AGBL1: variants seen among roughly 807,000 people sequenced by gnomAD.
AGBL1 encodes AGBL carboxypeptidase 1, also known as cytosolic carboxypeptidase 4.
In AGBL1, 130 loss-of-function variants were observed where a neutral mutation model predicts 118.9. That is an observed-to-expected ratio of 1.09 (90% confidence interval 0.95 to 1.26). The LOEUF is 1.26. AGBL1 is among the 50% of genes most tolerant of loss of function. AGBL1 has a pLI of 0.00. For synonymous variants in AGBL1, 555 were observed against 478.9 expected, an observed-to-expected ratio of 1.16 and a Z score of -2.08; for missense variants, 1,584 against 1,298.1, an observed-to-expected ratio of 1.22 and a Z score of -3.38.
At chr15:86,836,106 G>A (rs937665804) in intron 22 of AGBL1, among the ~76,000 whole-genome samples, 3 of 152,152 alleles carry the variant, frequency 2.0e-5, no homozygotes, top group African/African-American at 4.8e-5. Flanking sequence ...AGAGGCAGAA[G>A]TTCATTTTTA....
At chr15:86,475,225 A>C (rs1029649945) in intron 18 of AGBL1, among the ~76,000 whole-genome samples, 2 of 152,244 alleles carry the variant, frequency 1.3e-5, no homozygotes, top group African/African-American at 4.8e-5. Context: ...ATGGACAGAG[A>C]ATGACTTTGA....
chr15:86,180,274 G>A (rs2077534884), intron 5 of AGBL1, among the ~76,000 whole-genome samples: 1 of 151,970 alleles, frequency 6.6e-6, no homozygotes, highest in African/African-American at 2.4e-5. Flanking sequence ...AAAATTGGAG[G>A]ACAAAGAATA....
intron 18 of AGBL1, among the ~76,000 whole-genome samples, chr15:86,428,948 G>A (rs772035226): frequency 4.6e-5 from 7 of 152,216 alleles, no homozygotes; most frequent in Non-Finnish European, 7.3e-5. Context: ...TGTCCCTGAC[G>A]AGGTGGTGTC....
intron 1 of AGBL1, chr15:86,107,498 A>T (rs1484425830): frequency 6.6e-6 from 1 of 152,222 alleles, no homozygotes; most frequent in Non-Finnish European, 1.5e-5. Flanking sequence ...ATGCTTACAC[A>T]GTCTTGGCAT....
chr15:86,786,503 T>C (rs2078415216), intron 22 of AGBL1, among the ~76,000 whole-genome samples: 1 of 152,206 alleles, frequency 6.6e-6, no homozygotes, highest in Non-Finnish European at 1.5e-5. Flanking sequence ...AATAGACACA[T>C]ACATACTTAA....
Position 86,142,029 on chromosome 15 carries a change from T to C in AGBL1, c.77T>C (p.Leu26Pro), listed in dbSNP as rs1222152243. The C allele has an allele frequency of 3.6e-5, 56 of 1,550,190 alleles. No homozygotes were observed. The highest frequency in any genetic ancestry group is 4.7e-5 in the Non-Finnish European group (54 of 1,146,838). The change falls in exon 2 of 23, where the codon CTG becomes CCG. Residue 26 changes from leucine (L) to proline (P), a missense_variant. Coordinates refer to ENST00000614907, the MANE Select transcript of AGBL1 (RefSeq NM_001386094.1). ...AGCTCCTCTGACAAGGAGTCCATCC[T>C]GACCATCCTCAAGGTCCTCGGAGAT... ...LQSSSDKESI[L>P]TILKVLGDLL... is the part of the protein sequence containing the mutation.
intron 21 of AGBL1, among the ~76,000 whole-genome samples, chr15:86,650,569 C>T (rs372265256): frequency 5.3e-5 from 8 of 152,202 alleles, no homozygotes; most frequent in African/African-American, 1.9e-4. Flanking sequence ...AATTCTATTG[C>T]TTGTTTTTCT....
intron 22 of AGBL1, among the ~76,000 whole-genome samples, chr15:86,801,615 A>G (rs1464634195): frequency 2.0e-5 from 3 of 152,080 alleles, no homozygotes; most frequent in East Asian, 1.9e-4. Context: ...ATCTGTGTGT[A>G]TCTCTATAAC....
intron 6 of AGBL1, among the ~76,000 whole-genome samples, chr15:86,241,251 C>T (rs372321871): frequency 6.6e-6 from 1 of 152,038 alleles, no homozygotes; most frequent in Non-Finnish European, 1.5e-5. Flanking sequence ...TGGCTCTGCT[C>T]ATTGGTGAAG....
intron 6 of AGBL1, among the ~76,000 whole-genome samples, chr15:86,241,516 AT>A (rs1330267673): frequency 6.6e-6 from 1 of 151,766 alleles, no homozygotes; most frequent in African/African-American, 2.4e-5. Flanking sequence ...CTGATAAAGA[AT>A]TTTTTTTTCT....
chr15:86,864,088 T>G (rs1334083982), intron 22 of AGBL1, among the ~76,000 whole-genome samples: 4 of 152,076 alleles, frequency 2.6e-5, no homozygotes, highest in Non-Finnish European at 5.9e-5. Flanking sequence ...TAGCACAGCT[T>G]TGCATAAAAA....
At chr15:86,689,182 T>C (rs986079) in intron 22 of AGBL1, among the ~76,000 whole-genome samples, 88,565 of 151,902 alleles carry the variant, frequency 0.58, 26,281 homozygotes, top group Non-Finnish European at 0.63. Flanking sequence ...TGTTCCTCTG[T>C]CTGGCATGCA....
intron 21 of AGBL1, among the ~76,000 whole-genome samples, chr15:86,569,793 A>G (rs1596275964): frequency 6.6e-6 from 1 of 152,194 alleles, no homozygotes; most frequent in East Asian, 1.9e-4. Flanking sequence ...GAACCATGAA[A>G]TTTAAACGCC....
chr15:86,551,989 G>A (rs558120611), intron 20 of AGBL1, among the ~76,000 whole-genome samples: 2 of 152,044 alleles, frequency 1.3e-5, no homozygotes, highest in Non-Finnish European at 2.9e-5. Context: ...AGGAAGGAAG[G>A]AAAAATAGGT....
At chr15:86,515,008 C>G (rs2083102513) in intron 18 of AGBL1, among the ~76,000 whole-genome samples, 1 of 152,086 alleles carries the variant, frequency 6.6e-6, no homozygotes, top group Admixed American at 6.5e-5. Context: ...TGTGACGGCA[C>G]CAAATTATTC....
At position 86,583,284 on chromosome 15, in the gene AGBL1, G is replaced by A. The variant is rs147522560; in HGVS notation, c.2994+28747G>A. Among the ~76,000 whole-genome samples the A allele has an allele frequency of 1.4e-3, 219 of 152,052 alleles. No homozygotes were observed. The South Asian group carries it at 0.019, about 13-fold the overall frequency. On this transcript the variant is annotated intron_variant, in intron 21 of 22. Transcript: ENST00000614907. ...ACCAAGGTACTGGTACCTAAAATTA[G>A]CAGGTATATACCTACTTAGCATACT...
At chr15:86,104,932 T>TGGACCACTGGGAGCTAGGGTTGCAG in intron 1 of AGBL1, 1 of 152,080 alleles carries the variant, frequency 6.6e-6, no homozygotes, top group East Asian at 1.9e-4. Context: ...GAGTCCATGG[T>TGGACCACTGGGAGCTAGGGTTGCAG]GAGAATGTGG....
intron 18 of AGBL1, among the ~76,000 whole-genome samples, chr15:86,507,217 C>G (rs1291964117): frequency 2.0e-5 from 3 of 151,980 alleles, no homozygotes; most frequent in African/African-American, 4.8e-5. Context: ...AGGAGCTAGA[C>G]CACTGAAAAG....
chr15:86,400,482 G>A (rs1267159554), intron 18 of AGBL1, among the ~76,000 whole-genome samples: 11 of 149,896 alleles, frequency 7.3e-5, no homozygotes, highest in African/African-American at 2.7e-4. Context: ...ACAGTTTTGG[G>A]GGAACAGGTT....
Sources: gnomAD v4.1 joint callset for allele counts (sites outside exome capture counted in the v4.1 genomes callset) on GRCh38, gnomAD v4.1.1 for gene constraint, MANE v1.5 for transcripts, NCBI Gene and HGNC (gene_info 2026-07-23, HGNC 2026-07-21) for gene names.